RABGAP1L: variants seen among roughly 807,000 people sequenced by gnomAD.
The protein encoded by RABGAP1L is rab GTPase-activating protein 1-like.
Under a neutral mutation model 137.7 loss-of-function variants are expected in RABGAP1L, and 63 were observed. That is an observed-to-expected ratio of 0.46 (90% CI 0.37 to 0.56). The LOEUF (loss-of-function observed/expected upper bound fraction) is 0.56. Ranked by LOEUF, RABGAP1L falls within the 20% of genes least tolerant of loss-of-function variation. The probability of loss-of-function intolerance (pLI) is 0.00; values close to 1 mark genes in which losing one functional copy is unlikely to be tolerated. For missense variants in RABGAP1L, 1,095 were observed against 1,244.0 expected, an observed-to-expected ratio of 0.88 and a Z score of 1.80; for synonymous variants, 431 against 433.7, an observed-to-expected ratio of 0.99 and a Z score of 0.08.
chr1:174,658,697 T>C (rs1243598573), intron 14 of RABGAP1L, among the ~76,000 whole-genome samples: 1 of 152,142 alleles, frequency 6.6e-6, no homozygotes, highest in East Asian at 1.9e-4. Context: ...TCATTTTTTT[T>C]AGGGTCTGAC....
intron 13 of RABGAP1L, among the ~76,000 whole-genome samples, chr1:174,556,958 C>A (rs1025595917): frequency 6.6e-6 from 1 of 152,178 alleles, no homozygotes; most frequent in African/African-American, 2.4e-5. Flanking sequence ...TTGTTACATC[C>A]TTTAATGCCA....
intron 13 of RABGAP1L, among the ~76,000 whole-genome samples, chr1:174,523,659 G>A (rs893127945): frequency 1.3e-5 from 2 of 152,068 alleles, no homozygotes; most frequent in Non-Finnish European, 2.9e-5. Flanking sequence ...TCTTCTAGTG[G>A]TTTTGAAATA....
intron 19 of RABGAP1L, among the ~76,000 whole-genome samples, chr1:174,894,805 G>C (rs1656862037): frequency 6.6e-6 from 1 of 152,142 alleles, no homozygotes; most frequent in Admixed American, 6.5e-5. Flanking sequence ...CGCCCTGGCT[G>C]TAGTGCAGTG....
At chr1:174,836,745 G>A (rs1692793761) in intron 19 of RABGAP1L, among the ~76,000 whole-genome samples, 1 of 152,144 alleles carries the variant, frequency 6.6e-6, no homozygotes, top group Non-Finnish European at 1.5e-5. Context: ...TTTTTGCATT[G>A]TTGGCTTCAT....
Position 174,219,196 on chromosome 1 carries a change from A to G in RABGAP1L, c.39A>G (p.Ser13=). 1.2e-6 allele frequency: 2 copies of G among 1,605,272 alleles called. No individual in the cohort carries two copies. Among genetic ancestry groups the G allele is most frequent in the Non-Finnish European group, 1.7e-6 (2 of 1,174,810 alleles). ...VRASLQKVSG[S]SDSVATMNSE... ...CTTCATTACAGAAGGTTAGTGGATC[A>G]TCTGATTCTGTGGCTACAATGAACA... Residue 13 remains serine (S), a synonymous_variant, in exon 2 of 26, where the codon TCA becomes TCG. Coordinates refer to ENST00000681986, the MANE Select transcript of RABGAP1L (RefSeq NM_001366446.1).
intron 18 of RABGAP1L, among the ~76,000 whole-genome samples, chr1:174,784,858 A>G (rs1687336350): frequency 6.6e-6 from 1 of 152,216 alleles, no homozygotes; most frequent in Non-Finnish European, 1.5e-5. Context: ...GTATTGGAGC[A>G]GAAGCCACCA....
intron 13 of RABGAP1L, among the ~76,000 whole-genome samples, chr1:174,532,634 G>A (rs1280380540): frequency 5.9e-5 from 9 of 152,148 alleles, no homozygotes. Flanking sequence ...AGATAGGTAT[G>A]AACTGTGGAG....
chr1:174,966,117 T>C (rs1328392765), intron 20 of RABGAP1L, among the ~76,000 whole-genome samples: 1 of 152,214 alleles, frequency 6.6e-6, no homozygotes, highest in African/African-American at 2.4e-5. Context: ...CCTATGACTT[T>C]ACTTGGAGGT....
At chr1:174,268,367 T>A (rs1674259774) in intron 7 of RABGAP1L, among the ~76,000 whole-genome samples, 1 of 151,504 alleles carries the variant, frequency 6.6e-6, no homozygotes, top group Admixed American at 6.6e-5. Context: ...GCCCGGCTAA[T>A]TTTTTTTGTA....
chr1:174,478,872 G>A (rs192604846), intron 13 of RABGAP1L, among the ~76,000 whole-genome samples: 6 of 152,250 alleles, frequency 3.9e-5, no homozygotes, highest in Admixed American at 1.3e-4. Context: ...AGAGTAGAAT[G>A]GAAATGATAC....
chr1:174,283,235 T>G (rs552472532), intron 10 of RABGAP1L, among the ~76,000 whole-genome samples: 2 of 151,810 alleles, frequency 1.3e-5, no homozygotes, highest in Admixed American at 1.3e-4. Flanking sequence ...AGACTCAGTT[T>G]GTAAAAAAAA....
intron 17 of RABGAP1L, among the ~76,000 whole-genome samples, chr1:174,746,241 G>A (rs1279468989): frequency 1.3e-5 from 2 of 152,178 alleles, no homozygotes; most frequent in Middle Eastern, 3.2e-3. Context: ...CTGCACTTTG[G>A]AGCAATTATT....
At chr1:174,197,462 T>C (rs773886023) in intron 1 of RABGAP1L, among the ~76,000 whole-genome samples, 1 of 152,208 alleles carries the variant, frequency 6.6e-6, no homozygotes, top group African/African-American at 2.4e-5. Context: ...GCCCCTGAGT[T>C]TCCACGTAAT....
chr1:174,590,160 A>C (rs1393739490), intron 13 of RABGAP1L, among the ~76,000 whole-genome samples: 1 of 108,284 alleles, frequency 9.2e-6, no homozygotes, highest in African/African-American at 3.7e-5. Context: ...TTGTGAGCCA[A>C]ATAAACTTCT....
chr1:174,793,496 A>G (rs1299005232), intron 18 of RABGAP1L, among the ~76,000 whole-genome samples: 2 of 152,230 alleles, frequency 1.3e-5, no homozygotes, highest in Non-Finnish European at 2.9e-5. Flanking sequence ...AGTATCTTCT[A>G]TATTGTACTC....
chr1:174,823,149 TAA>T (rs1013882811), intron 19 of RABGAP1L, among the ~76,000 whole-genome samples: 14 of 152,208 alleles, frequency 9.2e-5, no homozygotes, highest in South Asian at 4.1e-4. Context: ...TCAAAAACTT[TAA>T]GTTTTCTTTT....
chr1:174,400,862 G>C (rs571228840), intron 13 of RABGAP1L, among the ~76,000 whole-genome samples: 1 of 151,930 alleles, frequency 6.6e-6, no homozygotes, highest in East Asian at 1.9e-4. Flanking sequence ...GAATAGGGCC[G>C]GGATTACAAT....
chr1:174,849,583 C>T (rs1448618123), intron 19 of RABGAP1L: 2 of 353,116 alleles, frequency 5.7e-6, no homozygotes. Flanking sequence ...TAGCATTAAA[C>T]ACATGGTAAT....
chr1:174,162,143 T>G (rs937276545), intron 1 of RABGAP1L, among the ~76,000 whole-genome samples: 2 of 150,518 alleles, frequency 1.3e-5, no homozygotes, highest in Admixed American at 6.6e-5. Flanking sequence ...ATTTAGATGT[T>G]TTCTTTTTAC....
Sources: allele counts gnomAD v4.1 joint callset (sites outside exome capture counted in the v4.1 genomes callset), GRCh38; gene constraint gnomAD v4.1.1; transcripts MANE v1.5; gene names NCBI Gene and HGNC (gene_info 2026-07-23, HGNC 2026-07-21).